Variants in GABRA3 observed in about 807,000 individuals in gnomAD.
GABRA3 encodes the protein gamma-aminobutyric acid type A receptor subunit alpha3.
A neutral mutation model predicts 30.1 loss-of-function variants in GABRA3; 10 were observed. The ratio of observed to expected loss-of-function variants is 0.33; its 90% CI spans 0.20 to 0.56. The LOEUF is 0.56. Ranked by LOEUF, GABRA3 falls within the 20% of genes least tolerant of loss-of-function variation. The pLI is 0.89. For synonymous variants in GABRA3, 151 were observed against 146.8 expected, an observed-to-expected ratio of 1.03 and a Z score of -0.21; for missense variants, 233 against 392.0, an observed-to-expected ratio of 0.59 and a Z score of 3.42.
intron 2 of GABRA3, among the ~76,000 whole-genome samples, chrX:152,355,357 C>A (rs770056204): frequency 2.7e-5 from 3 of 111,226 alleles, no homozygotes; most frequent in Non-Finnish European, 5.7e-5. Context: ...ACATTATGGG[C>A]GCCATTGGCC....
rs1032983914 is a variant in GABRA3, at chrX:152,168,146, C to T, written c.*82G>A. On this transcript the variant is annotated 3_prime_UTR_variant, in exon 10 of 10. Coordinates refer to ENST00000370314, the MANE Select transcript of GABRA3 (RefSeq NM_000808.4). ...GGGTAAAAAGGAGAATCCTGAAATACGCGAAGGGGAGCCCCGGGGTTTGGG... is the reference window on the plus strand; with the variant it reads ...GGGTAAAAAGGAGAATCCTGAAATATGCGAAGGGGAGCCCCGGGGTTTGGG... The T allele has an allele frequency of 1.2e-5, 9 of 762,340 alleles. No homozygotes were observed. The highest frequency in any genetic ancestry group is 2.4e-5 in the Admixed American group (1 of 41,274). The allele number at this position is 762,340 out of a possible 1,213,427, so 62.8% of individuals were successfully genotyped here.
At chrX:152,365,668 T>C (rs959269662) in intron 1 of GABRA3, among the ~76,000 whole-genome samples, 5 of 111,593 alleles carry the variant, frequency 4.5e-5, no homozygotes, top group African/African-American at 6.5e-5. Flanking sequence ...TGGTTTTTTT[T>C]CCAAGAAAGC....
chrX:152,433,767 T>C (rs763461584), intron 1 of GABRA3, among the ~76,000 whole-genome samples: 1 of 99,901 alleles, frequency 1.0e-5, no homozygotes, highest in Non-Finnish European at 2.0e-5. Flanking sequence ...TCAATAAAAG[T>C]AGTAAACTTT....
chrX:152,226,590 C>T (rs1262481778), intron 5 of GABRA3, among the ~76,000 whole-genome samples: 2 of 111,485 alleles, frequency 1.8e-5, no homozygotes, highest in Non-Finnish European at 3.8e-5. Context: ...TCAGAGTGAA[C>T]AGGCAACCTA....
At chrX:152,312,668 C>T (rs1272476550) in intron 3 of GABRA3, among the ~76,000 whole-genome samples, 1 of 111,151 alleles carries the variant, frequency 9.0e-6, no homozygotes, top group Non-Finnish European at 1.9e-5. Context: ...TTCTGCACAG[C>T]AAAAGAATCA....
At chrX:152,255,316 T>G (rs1009269344) in intron 5 of GABRA3, among the ~76,000 whole-genome samples, 20 of 112,042 alleles carry the variant, frequency 1.8e-4, no homozygotes, top group African/African-American at 6.5e-4. Context: ...TATAAAACAC[T>G]GTATGTTTCA....
intron 5 of GABRA3, among the ~76,000 whole-genome samples, chrX:152,227,459 C>G (rs181604160): frequency 3.8e-5 from 4 of 105,023 alleles, no homozygotes; most frequent in Non-Finnish European, 7.8e-5. Flanking sequence ...GTGCAGCACA[C>G]GAGCATGGCA....
chrX:152,345,614 C>T lies in GABRA3; in HGVS notation c.229G>A (p.Gly77Ser). The change falls in exon 3 of 10, where the codon GGC (glycine) becomes AGC (serine). Residue 77 changes from glycine to serine, a missense_variant. By Grantham distance (56) the Gly-to-Ser change is moderately conservative. Around this residue, in one of 6 missense-constraint regions of GABRA3, gnomAD observed 69 missense variants for 79.4 expected, o/e 0.87. Coordinates refer to ENST00000370314, the MANE Select transcript of GABRA3 (RefSeq NM_000808.4). Reference sequence around the variant, plus strand: ...CCAGGTCGCAGCCGGTTGTCATAGCCGTCCAGAAGACGATCCAAGATTCTG... The same window carrying T: ...CCAGGTCGCAGCCGGTTGTCATAGCTGTCCAGAAGACGATCCAAGATTCTG... ...FTRILDRLLD[G>S]YDNRLRPGLG... The T allele has an allele frequency of 8.3e-7, 1 of 1,208,539 alleles. No homozygotes were observed.
At chrX:152,441,426 T>C (rs1930929185) in intron 1 of GABRA3, among the ~76,000 whole-genome samples, 1 of 111,951 alleles carries the variant, frequency 8.9e-6, no homozygotes, top group African/African-American at 3.2e-5. Flanking sequence ...CAAATCATTC[T>C]ACAGATTCAA....
At chrX:152,317,955 A>G (rs1360422732) in intron 3 of GABRA3, among the ~76,000 whole-genome samples, 1 of 111,513 alleles carries the variant, frequency 9.0e-6, no homozygotes, top group Non-Finnish European at 1.9e-5. Context: ...AAGAAAAGAA[A>G]TAACCAAGAT....
chrX:152,280,855 C>T (rs941763913), intron 4 of GABRA3, among the ~76,000 whole-genome samples: 7 of 111,044 alleles, frequency 6.3e-5, no homozygotes, highest in African/African-American at 2.3e-4. Flanking sequence ...CTAAAATTGG[C>T]ATTTTAAGTT....
chrX:152,395,108 G>C (rs1929620794), intron 1 of GABRA3, among the ~76,000 whole-genome samples: 1 of 109,715 alleles, frequency 9.1e-6, no homozygotes, highest in African/African-American at 3.3e-5. Flanking sequence ...AGATGACAGT[G>C]GTACAAAAAA....
At chrX:152,392,355 G>A in intron 1 of GABRA3, 1 of 367,680 alleles carries the variant, frequency 2.7e-6, no homozygotes. Context: ...TACTGAGGAC[G>A]AAGAAGGAGG....
intron 4 of GABRA3, among the ~76,000 whole-genome samples, chrX:152,277,264 GT>G (rs56972693): frequency 2.3e-4 from 25 of 106,417 alleles, no homozygotes; most frequent in East Asian, 2.1e-3. Flanking sequence ...TTAATTAACA[GT>G]TTTTTTTTTC....
chrX:152,201,981 G>A (rs1937490004), intron 7 of GABRA3, among the ~76,000 whole-genome samples: 1 of 112,033 alleles, frequency 8.9e-6, no homozygotes. Context: ...GGATATATAA[G>A]GATCATACAT....
At chrX:152,387,549 A>T (rs944651048) in intron 1 of GABRA3, among the ~76,000 whole-genome samples, 6 of 111,459 alleles carry the variant, frequency 5.4e-5, no homozygotes, top group Non-Finnish European at 9.4e-5. Flanking sequence ...TTATTCTAAA[A>T]CAGCGTGCAT....
At chrX:152,393,823 A>C (rs1376222381) in intron 1 of GABRA3, among the ~76,000 whole-genome samples, 1 of 111,929 alleles carries the variant, frequency 8.9e-6, no homozygotes, top group Non-Finnish European at 1.9e-5. Flanking sequence ...TGCTGATAAT[A>C]AAATAGCAGA....
intron 8 of GABRA3, among the ~76,000 whole-genome samples, chrX:152,196,431 A>G (rs913381652): frequency 1.8e-5 from 2 of 108,663 alleles, no homozygotes; most frequent in African/African-American, 3.3e-5. Flanking sequence ...AGAAAGAAAG[A>G]AAGGAAGGAA....
chrX:152,225,292 T>G (rs1937920527), intron 5 of GABRA3, among the ~76,000 whole-genome samples: 1 of 110,638 alleles, frequency 9.0e-6, no homozygotes, highest in African/African-American at 3.3e-5. Context: ...ATCTTTACCC[T>G]GATCATTAAC....
Sources: allele counts gnomAD v4.1 joint callset (sites outside exome capture counted in the v4.1 genomes callset), GRCh38; gene constraint gnomAD v4.1.1; regional missense constraint gnomAD v4.1.1; transcripts MANE v1.5; gene names NCBI Gene and HGNC (gene_info 2026-07-23, HGNC 2026-07-21).